MEIS2: variants seen among roughly 807,000 people sequenced by gnomAD.
MEIS2 encodes homeobox protein Meis2.
MEIS2 carries 9 observed loss-of-function variants against 58.6 expected under a neutral mutation model. That is an observed-to-expected ratio of 0.15 (90% CI 0.09 to 0.27). The LOEUF (loss-of-function observed/expected upper bound fraction) is 0.27. Among genes scored for constraint, MEIS2 ranks in the 10% least tolerant of loss-of-function variants. The pLI is 1.00. For synonymous variants in MEIS2, 221 were observed against 228.4 expected, an observed-to-expected ratio of 0.97 and a Z score of 0.29; for missense variants, 427 against 635.0, an observed-to-expected ratio of 0.67 and a Z score of 3.52.
At chr15:37,098,889 C>T (rs1234343951) in intron 1 of MEIS2, 2 of 985,370 alleles carry the variant, frequency 2.0e-6, no homozygotes, top group Non-Finnish European at 2.4e-6. Context: ...GGGCGAATAA[C>T]GTGAAAGTTA....
At chr15:36,997,702 C>T (rs552491644) in intron 8 of MEIS2, among the ~76,000 whole-genome samples, 11 of 152,158 alleles carry the variant, frequency 7.2e-5, no homozygotes, top group South Asian at 2.1e-4. Flanking sequence ...AGGATGGTCT[C>T]GATCTCCTGA....
chr15:36,955,107 T>C (rs747702065), intron 8 of MEIS2, among the ~76,000 whole-genome samples: 38 of 152,218 alleles, frequency 2.5e-4, no homozygotes, highest in Non-Finnish European at 4.3e-4. Flanking sequence ...GCCAAACTTA[T>C]TCAATGGTCC....
At chr15:36,997,351 T>C (rs2060558099) in intron 8 of MEIS2, among the ~76,000 whole-genome samples, 2 of 152,146 alleles carry the variant, frequency 1.3e-5, no homozygotes, top group African/African-American at 4.8e-5. Context: ...GCTTTCCACC[T>C]TTTTTGAGAA....
chr15:37,077,699 C>A (rs1330555782), intron 7 of MEIS2, among the ~76,000 whole-genome samples: 1 of 151,982 alleles, frequency 6.6e-6, no homozygotes, highest in African/African-American at 2.4e-5. Flanking sequence ...TGTGGACCAT[C>A]TGAATTCTTA....
intron 7 of MEIS2, among the ~76,000 whole-genome samples, chr15:37,037,581 T>C (rs569040472): frequency 9.8e-5 from 15 of 152,338 alleles, no homozygotes; most frequent in African/African-American, 2.9e-4. Flanking sequence ...GCTCACTTAA[T>C]CAGAAGTTTC....
intron 8 of MEIS2, among the ~76,000 whole-genome samples, chr15:37,002,229 C>T (rs1397633846): frequency 2.6e-5 from 4 of 152,006 alleles, no homozygotes; most frequent in Admixed American, 2.0e-4. Context: ...CCATACATTC[C>T]CTGCACCGTC....
intron 8 of MEIS2, among the ~76,000 whole-genome samples, chr15:37,005,769 G>A (rs890158894): frequency 1.3e-5 from 2 of 152,090 alleles, no homozygotes; most frequent in African/African-American, 4.8e-5. Flanking sequence ...ATGTTGCCCA[G>A]GCTGGTCTCA....
At position 37,098,056 on chromosome 15, in the gene MEIS2, G is replaced by C; in HGVS notation, c.156C>G (p.Gly52=). The C allele has an allele frequency of 6.2e-7, 1 of 1,613,518 alleles. No homozygotes were observed. Among genetic ancestry groups the C allele is most frequent in the Non-Finnish European group, 8.5e-7 (1 of 1,179,704 alleles). ...GPPLHATQHY[G]AHAPHPNVMP... The stretch of plus-strand genomic sequence containing the variant: ...TGACATTGGGGTGCGGGGCGTGCGC[G>C]CCGTAGTGCTGTGTGGCGTGGAGCG... Residue 52 remains glycine (G), a synonymous_variant, in exon 2 of 12, where the codon GGC becomes GGG. Coordinates refer to ENST00000561208, the MANE Select transcript of MEIS2 (RefSeq NM_170675.5).
intron 8 of MEIS2, among the ~76,000 whole-genome samples, chr15:36,993,625 A>T (rs2060374732): frequency 6.6e-6 from 1 of 152,226 alleles, no homozygotes; most frequent in Non-Finnish European, 1.5e-5. Context: ...TGTATATTAA[A>T]ATATAAAGGC....
chr15:36,941,855 G>A (rs921263513), intron 9 of MEIS2, among the ~76,000 whole-genome samples: 3 of 152,150 alleles, frequency 2.0e-5, no homozygotes, highest in Non-Finnish European at 1.5e-5. Context: ...TGTGGGTTTT[G>A]AAGTAGATTT....
chr15:37,041,127 T>C (rs767660791), intron 7 of MEIS2, among the ~76,000 whole-genome samples: 1 of 152,344 alleles, frequency 6.6e-6, no homozygotes, highest in Admixed American at 6.5e-5. Flanking sequence ...CATCCTAGTC[T>C]TCTGGTAGTA....
At chr15:36,924,715 G>A (rs928879210) in intron 9 of MEIS2, among the ~76,000 whole-genome samples, 17 of 152,274 alleles carry the variant, frequency 1.1e-4, no homozygotes, top group African/African-American at 3.9e-4. Flanking sequence ...ATCAATCCCT[G>A]CACAATTCTG....
intron 8 of MEIS2, among the ~76,000 whole-genome samples, chr15:36,963,354 C>G (rs987640128): frequency 6.7e-6 from 1 of 148,970 alleles, no homozygotes; most frequent in Non-Finnish European, 1.5e-5. Flanking sequence ...CACTCCAGCC[C>G]GGGTGACAGT....
At chr15:36,972,464 A>G (rs534987921) in intron 8 of MEIS2, among the ~76,000 whole-genome samples, 9 of 152,210 alleles carry the variant, frequency 5.9e-5, no homozygotes, top group East Asian at 1.9e-4. Context: ...AAGGTACCCA[A>G]TGATCTGGTC....
chr15:37,067,744 T>C (rs910470334), intron 7 of MEIS2, among the ~76,000 whole-genome samples: 1 of 152,130 alleles, frequency 6.6e-6, no homozygotes, highest in Non-Finnish European at 1.5e-5. Flanking sequence ...CCCATGTTTG[T>C]ATGTCTGTGT....
intron 8 of MEIS2, among the ~76,000 whole-genome samples, chr15:37,031,505 C>T (rs1359055660): frequency 6.7e-6 from 1 of 148,858 alleles, no homozygotes. Context: ...TCTTGATGAA[C>T]TCGGTGGAGA....
intron 9 of MEIS2, among the ~76,000 whole-genome samples, chr15:36,933,713 T>C (rs138078871): frequency 6.6e-6 from 1 of 152,272 alleles, no homozygotes; most frequent in Non-Finnish European, 1.5e-5. Context: ...GTGAATTGAG[T>C]ATCCTAACGC....
chr15:37,060,869 A>G (rs981726452), intron 7 of MEIS2, among the ~76,000 whole-genome samples: 1 of 152,218 alleles, frequency 6.6e-6, no homozygotes, highest in Non-Finnish European at 1.5e-5. Context: ...TTATCTGCCA[A>G]GGGAATCTGG....
intron 9 of MEIS2, among the ~76,000 whole-genome samples, chr15:36,944,066 G>A (rs1471372739): frequency 6.6e-6 from 1 of 151,972 alleles, no homozygotes; most frequent in Non-Finnish European, 1.5e-5. Flanking sequence ...TCCAGTGTTC[G>A]GCTCAGTGTG....
Sources: allele counts gnomAD v4.1 joint callset (sites outside exome capture counted in the v4.1 genomes callset), GRCh38; gene constraint gnomAD v4.1.1; transcripts MANE v1.5; gene names NCBI Gene and HGNC (gene_info 2026-07-23, HGNC 2026-07-21).